MPP7: variants seen among roughly 807,000 people sequenced by gnomAD.
MPP7 encodes MAGUK p55 subfamily member 7.
Under a neutral mutation model 76.5 loss-of-function variants are expected in MPP7, and 60 were observed. The ratio of observed to expected loss-of-function variants is 0.78; its 90% CI spans 0.64 to 0.97. The LOEUF is 0.97. MPP7 is among the 50% of genes least tolerant of loss of function. The pLI, the probability that MPP7 is intolerant of heterozygous loss-of-function variation, is 0.00. For synonymous variants in MPP7, 237 were observed against 244.5 expected, an observed-to-expected ratio of 0.97 and a Z score of 0.29; for missense variants, 641 against 694.0, an observed-to-expected ratio of 0.92 and a Z score of 0.86.
chr10:28,152,428 G>A (rs978173822), intron 3 of MPP7, among the ~76,000 whole-genome samples: 1 of 152,086 alleles, frequency 6.6e-6, no homozygotes, highest in Non-Finnish European at 1.5e-5. Flanking sequence ...CAGAAATTCT[G>A]CTTTTTATTA....
intron 11 of MPP7, among the ~76,000 whole-genome samples, chr10:28,109,491 T>C (rs770000507): frequency 6.6e-6 from 1 of 152,010 alleles, no homozygotes. Context: ...ATCAAAAATA[T>C]AAATTAGATT....
At chr10:28,202,097 C>G in intron 3 of MPP7, 56 bp downstream of exon 3, 1 of 1,239,606 alleles carries the variant, frequency 8.1e-7, no homozygotes, top group South Asian at 1.2e-5. Context: ...TGGTGGTGCC[C>G]CAAATATTTT....
At chr10:28,150,189 A>C in intron 3 of MPP7, 130 bp from the exon 4 acceptor site, 1 of 656,002 alleles carries the variant, frequency 1.5e-6, no homozygotes, top group Non-Finnish European at 2.6e-6. Context: ...GACATATTAC[A>C]CACATGTAAT....
At chr10:28,070,911 A>G (rs1383384703) in intron 12 of MPP7, among the ~76,000 whole-genome samples, 1 of 152,158 alleles carries the variant, frequency 6.6e-6, no homozygotes, top group Non-Finnish European at 1.5e-5. Flanking sequence ...TTTCCACCTA[A>G]AAGCTTCTCA....
intron 1 of MPP7, among the ~76,000 whole-genome samples, chr10:28,287,721 C>T (rs182935985): frequency 2.0e-5 from 3 of 152,170 alleles, no homozygotes; most frequent in Non-Finnish European, 4.4e-5. Context: ...AAGAGATGAC[C>T]GCTGATTTCA....
chr10:28,324,781 C>T (rs1313780217), intron 2 of MPP7, among the ~76,000 whole-genome samples: 3 of 152,170 alleles, frequency 2.0e-5, no homozygotes, highest in Non-Finnish European at 4.4e-5. Context: ...GAACTCTACC[C>T]ACTGGTTTAT....
chr10:28,118,241 G>C, intron 11 of MPP7: 1 of 985,068 alleles, frequency 1.0e-6, no homozygotes, highest in Non-Finnish European at 1.2e-6. Flanking sequence ...AAACCAGTTT[G>C]AAAGAGCTAT....
At chr10:28,293,694 G>A (rs902696805) in intron 1 of MPP7, among the ~76,000 whole-genome samples, 7 of 152,200 alleles carry the variant, frequency 4.6e-5, no homozygotes, top group African/African-American at 1.4e-4. Flanking sequence ...GCAGCTCCGC[G>A]TCACAGGTCC....
intron 1 of MPP7, among the ~76,000 whole-genome samples, chr10:28,265,330 G>T (rs111460396): frequency 6.6e-6 from 1 of 152,142 alleles, no homozygotes; most frequent in Non-Finnish European, 1.5e-5. Context: ...AGGCCAAGGC[G>T]GGGGGACTGC....
Position 28,173,696 on chromosome 10 carries a change from T to C in MPP7, c.157-23637A>G, listed in dbSNP as rs376945805. On this transcript the variant is annotated intron_variant, in intron 3 of 16. Coordinates refer to ENST00000683449, the MANE Select transcript of MPP7 (RefSeq NM_001318170.2). ...ACAAAGATAACCCGCAACCCCATTC[T>C]TAAGTAGCAAATATTTAAAAATCAT... is the stretch of plus-strand genomic sequence containing the variant. Among the ~76,000 whole-genome samples the C allele has an allele frequency of 2.6e-5, 4 of 152,324 alleles. No individual in the cohort carries two copies. In the East Asian group the frequency reaches 7.7e-4, roughly 29 times the overall value.
At chr10:28,133,460 AT>A (rs1329801995) in intron 5 of MPP7, among the ~76,000 whole-genome samples, 1 of 152,316 alleles carries the variant, frequency 6.6e-6, no homozygotes, top group African/African-American at 2.4e-5. Context: ...ACTCAATCCC[AT>A]AGCACCTTGT....
chr10:28,179,582 A>T (rs1836993700), intron 3 of MPP7, among the ~76,000 whole-genome samples: 1 of 152,246 alleles, frequency 6.6e-6, no homozygotes, highest in African/African-American at 2.4e-5. Context: ...AAAAAATTTC[A>T]CAAGTTTTTC....
chr10:28,136,894 A>C lies in MPP7; in HGVS notation c.316-5203T>G, dbSNP rs1835369516. ...TTTAAATGGCCTAATATACATGTTA[A>C]CTGGCATCTCCAAAGAAAGGGGGCA... is the stretch of plus-strand genomic sequence containing the variant. On this transcript the variant is annotated intron_variant, in intron 5 of 16. Coordinates refer to ENST00000683449, the MANE Select transcript of MPP7 (RefSeq NM_001318170.2). Among the ~76,000 whole-genome samples, 4 of 152,322 alleles carry C rather than the reference A, an allele frequency of 2.6e-5. No individual in the cohort carries two copies. In the South Asian group the frequency reaches 6.2e-4, roughly 24 times the overall value.
chr10:28,279,471 G>A (rs1352122436), intron 1 of MPP7, among the ~76,000 whole-genome samples: 2 of 151,998 alleles, frequency 1.3e-5, no homozygotes, highest in African/African-American at 4.8e-5. Context: ...GCTCATGCCT[G>A]TAATCCCATC....
intron 12 of MPP7, among the ~76,000 whole-genome samples, chr10:28,070,615 G>A (rs961044199): frequency 1.3e-5 from 2 of 152,164 alleles, no homozygotes; most frequent in African/African-American, 2.4e-5. Flanking sequence ...ACATTTACAT[G>A]TGCTGAGACC....
At chr10:28,117,448 G>T (rs1259866719) in intron 11 of MPP7, among the ~76,000 whole-genome samples, 1 of 151,850 alleles carries the variant, frequency 6.6e-6, no homozygotes, top group African/African-American at 2.4e-5. Flanking sequence ...AAAAACAAAA[G>T]ATTTTATACC....
chr10:28,175,328 C>G (rs1836824053), intron 3 of MPP7, among the ~76,000 whole-genome samples: 1 of 151,306 alleles, frequency 6.6e-6, no homozygotes, highest in African/African-American at 2.4e-5. Context: ...CAAGAACAGG[C>G]AAACCACCCA....
chr10:28,300,105 G>T (rs1325114015), intron 1 of MPP7, among the ~76,000 whole-genome samples: 2 of 152,118 alleles, frequency 1.3e-5, no homozygotes, highest in African/African-American at 2.4e-5. Context: ...AATTTTGTCT[G>T]AATTGCAATT....
chr10:28,147,373 C>T, intron 5 of MPP7, 110 bp downstream of exon 5: 2 of 797,052 alleles, frequency 2.5e-6, no homozygotes, highest in Non-Finnish European at 4.4e-6. Context: ...ATACTGTGCC[C>T]TATTCAAAAT....
Sources: gnomAD v4.1 joint callset for allele counts (sites outside exome capture counted in the v4.1 genomes callset) on GRCh38, gnomAD v4.1.1 for gene constraint, MANE v1.5 for transcripts, NCBI Gene and HGNC (gene_info 2026-07-23, HGNC 2026-07-21) for gene names.